The following AKAP13 variants were observed in gnomAD, a reference collection of about 807,000 sequenced individuals.
AKAP13 encodes A-kinase anchor protein 13.
In AKAP13, 80 loss-of-function variants were observed where a neutral mutation model predicts 264.5. That is an observed-to-expected ratio of 0.30 (90% CI 0.25 to 0.36). The LOEUF (loss-of-function observed/expected upper bound fraction) is 0.36, where lower values mean the gene tolerates loss of function less well. Among genes scored for constraint, AKAP13 ranks in the 10% least tolerant of loss-of-function variants. The probability of loss-of-function intolerance (pLI) is 1.00; values close to 1 mark genes in which losing one functional copy is unlikely to be tolerated. For synonymous variants in AKAP13, 1,380 were observed against 1,250.2 expected (o/e 1.10, Z -2.19); for missense variants, 3,712 against 3,435.2 (o/e 1.08, Z -2.01).
chr15:85,697,914 A>G (rs1344583594), intron 17 of AKAP13, among the ~76,000 whole-genome samples: 3 of 152,226 alleles, frequency 2.0e-5, no homozygotes, highest in Non-Finnish European at 4.4e-5. Context: ...CAATCAACAA[A>G]GTTCATTTGA....
rs374815022 is a variant in AKAP13, at chr15:85,715,893, C to G, written c.5705C>G (p.Ser1902Cys). Residue 1902 changes from serine to cysteine, a missense_variant, in exon 20 of 37, where the codon TCC (serine) becomes TGC (cysteine). Transcript: ENST00000394518. ...NRRSQQSVSL[S>C]KSVSIQNITG... ...CGATCCCAGCAGAGTGTCTCGCTCT[C>G]CAAAAGTGTCTCCATACAGAACATT... 19 of 1,612,546 alleles carry G rather than the reference C, an allele frequency of 1.2e-5. No homozygotes were observed. In the African/African-American group the frequency reaches 1.6e-4, roughly 14 times the overall value.
At chr15:85,600,043 A>G (rs978441476) in intron 8 of AKAP13, among the ~76,000 whole-genome samples, 1 of 152,102 alleles carries the variant, frequency 6.6e-6, no homozygotes, top group Non-Finnish European at 1.5e-5. Context: ...CTCTTTTATT[A>G]AGGCTGGTTT....
chr15:85,575,100 A>G lies in AKAP13; in HGVS notation c.663-31A>G, dbSNP rs765058855. On this transcript the variant is annotated intron_variant, in intron 5 of 36. Transcript: ENST00000394518. ...AGCCTATGCCTGGGAGGCAGAATGT[A>G]TATATATTAACCAGAGATGCTTGCA... The G allele has an allele frequency of 5.1e-5, 81 of 1,602,170 alleles. No individual in the cohort carries two copies. The Middle Eastern group carries it at 1.3e-3, about 26-fold the overall frequency.
chr15:85,521,313 G>C, intron 2 of AKAP13, 115 bp from the exon 3 acceptor site: 1 of 1,243,992 alleles, frequency 8.0e-7, no homozygotes, highest in Non-Finnish European at 1.1e-6. Flanking sequence ...TTACCAGAAT[G>C]GGGGCATGGT....
At chr15:85,741,586 T>C (rs13511) in intron 35 of AKAP13, 91 bp downstream of exon 35, 782,637 of 1,445,658 alleles carry the variant, frequency 0.54, 218,499 homozygotes, top group Middle Eastern at 0.62. Flanking sequence ...AGCAGAAATA[T>C]AGAGCCTGTT....
chr15:85,647,448 A>T (rs993560669), intron 10 of AKAP13, among the ~76,000 whole-genome samples: 3 of 151,956 alleles, frequency 2.0e-5, no homozygotes, highest in African/African-American at 7.3e-5. Flanking sequence ...AGACCTAAAG[A>T]TTTGGGAATC....
chr15:85,681,884 C>A (rs78967124), intron 14 of AKAP13, among the ~76,000 whole-genome samples: 2,123 of 152,154 alleles, frequency 0.014, 59 homozygotes, highest in African/African-American at 0.049. Flanking sequence ...TGTGTTTAAG[C>A]ATTAGAAAAA....
chr15:85,386,606 A>G (rs2070575668), intron 1 of AKAP13, among the ~76,000 whole-genome samples: 1 of 152,138 alleles, frequency 6.6e-6, no homozygotes, highest in East Asian at 1.9e-4. Flanking sequence ...AAGTTTTATC[A>G]TTTAAAATTT....
chr15:85,473,452 A>C (rs1395051250), intron 1 of AKAP13, among the ~76,000 whole-genome samples: 1 of 152,240 alleles, frequency 6.6e-6, no homozygotes, highest in Non-Finnish European at 1.5e-5. Flanking sequence ...TAAAAAGTCC[A>C]AATAAACCCT....
At chr15:85,530,442 A>G (rs1369184726) in intron 3 of AKAP13, among the ~76,000 whole-genome samples, 2 of 152,208 alleles carry the variant, frequency 1.3e-5, no homozygotes, top group Non-Finnish European at 2.9e-5. Flanking sequence ...GAAGGAGATC[A>G]ATAAGAAAGG....
chr15:85,701,758 A>G (rs1279164447), intron 17 of AKAP13, among the ~76,000 whole-genome samples: 1 of 151,904 alleles, frequency 6.6e-6, no homozygotes, highest in Non-Finnish European at 1.5e-5. Flanking sequence ...TGAGGTTTAA[A>G]CTGAAAAGTA....
At chr15:85,464,054 G>C (rs2074630046) in intron 1 of AKAP13, among the ~76,000 whole-genome samples, 35 of 152,096 alleles carry the variant, frequency 2.3e-4, no homozygotes, top group Admixed American at 2.3e-3. Flanking sequence ...TTTTGTCCTA[G>C]TTGCTCTTGA....
chr15:85,643,103 A>G (rs944577237), intron 9 of AKAP13, among the ~76,000 whole-genome samples: 3 of 151,820 alleles, frequency 2.0e-5, no homozygotes, highest in African/African-American at 7.3e-5. Flanking sequence ...ACACTCCAAA[A>G]TAGTTTGAAC....
chr15:85,498,292 G>A (rs1483304125), intron 2 of AKAP13, among the ~76,000 whole-genome samples: 3 of 150,608 alleles, frequency 2.0e-5, no homozygotes, highest in Admixed American at 2.0e-4. Flanking sequence ...ACGTACCCCC[G>A]TTATTTTGAC....
chr15:85,387,591 T>G (rs755287360), intron 1 of AKAP13, among the ~76,000 whole-genome samples: 1 of 151,968 alleles, frequency 6.6e-6, no homozygotes, highest in South Asian at 2.1e-4. Flanking sequence ...TCCCAAAGTG[T>G]AGGGATTACA....
chr15:85,633,370 G>A (rs931082747), intron 8 of AKAP13, among the ~76,000 whole-genome samples: 2 of 87,230 alleles, frequency 2.3e-5, no homozygotes, highest in South Asian at 3.8e-4. Flanking sequence ...AATAGGGGCG[G>A]GGGGGGAGTA....
chr15:85,383,066 A>G (rs893493382), intron 1 of AKAP13, among the ~76,000 whole-genome samples: 13 of 151,730 alleles, frequency 8.6e-5, no homozygotes, highest in African/African-American at 3.1e-4. Flanking sequence ...TGAAATTATT[A>G]TTGTTTTTTT....
chr15:85,688,033 A>T (rs1430471723), intron 16 of AKAP13, among the ~76,000 whole-genome samples: 1 of 662 alleles, frequency 1.5e-3, no homozygotes, highest in Admixed American at 0.02. Flanking sequence ...CTGTCTCTTA[A>T]AAAAAAAAAA....
intron 2 of AKAP13, among the ~76,000 whole-genome samples, chr15:85,491,991 T>A (rs2075745758): frequency 6.6e-6 from 1 of 152,212 alleles, no homozygotes; most frequent in Non-Finnish European, 1.5e-5. Flanking sequence ...ATCTAGTGAA[T>A]GGCAGAAGTG....
Sources: allele counts gnomAD v4.1 joint callset (sites outside exome capture counted in the v4.1 genomes callset), GRCh38; gene constraint gnomAD v4.1.1; transcripts MANE v1.5; gene names NCBI Gene and HGNC (gene_info 2026-07-23, HGNC 2026-07-21).